Variants in NBPF12 observed in about 807,000 individuals in gnomAD.
NBPF12 encodes the protein NBPF member 12, also known as NBPF family member NBPF12.
Under a neutral mutation model 146.4 loss-of-function variants are expected in NBPF12, and 115 were observed. The ratio of observed to expected loss-of-function variants is 0.79; its 90% CI spans 0.68 to 0.92. NBPF12 has a LOEUF of 0.92. Among genes scored for constraint, NBPF12 ranks in the 40% least tolerant of loss-of-function variants. The pLI, the probability that NBPF12 is intolerant of heterozygous loss-of-function variation, is 0.00. For synonymous variants in NBPF12, 385 were observed against 508.9 expected (o/e 0.76, Z 3.28); for missense variants, 1,205 against 1,326.8 (o/e 0.91, Z 1.43).
In NBPF12 at chr1:146,977,482, GAAGAA is replaced by G; in HGVS notation, c.2213_2217del (p.Glu738GlyfsTer4). 1 of 1,603,966 alleles carries G rather than the reference GAAGAA, an allele frequency of 6.2e-7. No homozygotes were observed. Among genetic ancestry groups the G allele is most frequent in the Non-Finnish European group, 8.5e-7 (1 of 1,174,008 alleles). ...GCTCATCAGGGAGATGCAGAAGGCTGAAGAAAAGGAAGTCCCTGAGGACTCACTGG... is the reference window on the plus strand; with the variant it reads ...GCTCATCAGGGAGATGCAGAAGGCTGAAGGAAGTCCCTGAGGACTCACTGG... On this transcript the variant is annotated frameshift_variant, in exon 18 of 34. Transcript: ENST00000617844. LOFTEE classifies it high-confidence loss of function.
At position 146,971,254 on chromosome 1, in the gene NBPF12, A is replaced by G; in HGVS notation, c.1451A>G (p.Asn484Ser). 11 of 1,612,412 alleles carry G rather than the reference A, an allele frequency of 6.8e-6. No homozygotes were observed. In the South Asian group the frequency reaches 9.9e-5, roughly 14 times the overall value. ...GAGGAATGTGCCATCACTTGTTCAA[A>G]TAGCCACGGCCCTTGTGACTCCAAC... Residue 484 changes from asparagine to serine, a missense_variant, in exon 13 of 34, where the codon AAT (asparagine) becomes AGT (serine). Coordinates refer to ENST00000617844, the Ensembl canonical transcript of NBPF12.
chr1:146,977,349 A>T (rs1214683669), intron 17 of NBPF12, 117 bp from the exon 21 acceptor site: 2 of 947,702 alleles, frequency 2.1e-6, no homozygotes, highest in Non-Finnish European at 3.3e-6. Flanking sequence ...GGGAACGTCC[A>T]TTTTGCTTTC....
intron 19 of NBPF12, among the ~76,000 whole-genome samples, chr1:146,980,315 T>C (rs1454241968): frequency 6.6e-6 from 1 of 152,112 alleles, no homozygotes; most frequent in Non-Finnish European, 1.5e-5. Context: ...CCCCTTTACA[T>C]TTAAGGTTAA....
At chr1:146,992,458 CTCTCTGTGTG>C (rs1173975137) in intron 31 of NBPF12, among the ~76,000 whole-genome samples, 66 of 99,446 alleles carry the variant, frequency 6.6e-4, no homozygotes, top group African/African-American at 9.3e-4. Flanking sequence ...CTCTCTCTCT[CTCTCTGTGTG>C]TGTGTGTGTG....
chr1:146,970,273 C>A (rs1157198443), intron 11 of NBPF12, among the ~76,000 whole-genome samples: 5 of 150,382 alleles, frequency 3.3e-5, no homozygotes, highest in Non-Finnish European at 7.4e-5. Flanking sequence ...TTGTCCTCTC[C>A]TAAGAGAAAG....
chr1:146,957,919 G>A (rs1655671136), intron 2 of NBPF12, among the ~76,000 whole-genome samples: 2 of 113,034 alleles, frequency 1.8e-5, no homozygotes, highest in South Asian at 4.2e-4. Flanking sequence ...GTATATACAC[G>A]TATATAATAT....
At chr1:146,964,840 C>A (rs1656088574) in intron 7 of NBPF12, 53 bp from the exon 11 acceptor site, 1 of 1,590,200 alleles carries the variant, frequency 6.3e-7, no homozygotes, top group African/African-American at 1.4e-5. Context: ...TCCCTGGGGT[C>A]CAATCCCTCT....
Position 146,967,506 on chromosome 1 carries a change from T to A in NBPF12, c.988+833T>A, listed in dbSNP as rs1347068693. On this transcript the variant is annotated intron_variant, in intron 9 of 33. Transcript: ENST00000617844. ...ACAGGGCAAGACTGTTAAAAAAAAA[T>A]AATAATGATAAATAAAAATAAGAAT... 1.8e-3 allele frequency among the ~76,000 whole-genome samples: 267 copies of A among 146,528 alleles called. 1 individual carries two copies. Among genetic ancestry groups the A allele is most frequent in the Non-Finnish European group, 6.5e-4 (44 of 67,466 alleles).
At chr1:146,966,040 G>C (rs1254105300) in intron 8 of NBPF12, among the ~76,000 whole-genome samples, 3 of 151,806 alleles carry the variant, frequency 2.0e-5, no homozygotes, top group Non-Finnish European at 4.4e-5. Context: ...CCGGGAGGCA[G>C]AGGTGGCAGT....
At chr1:146,940,578 G>T (rs1292449258) in intron 1 of NBPF12, among the ~76,000 whole-genome samples, 3 of 151,140 alleles carry the variant, frequency 2.0e-5, no homozygotes, top group Non-Finnish European at 2.9e-5. Flanking sequence ...AAAAGTACAG[G>T]TCATGAGTTT....
At chr1:146,948,803 G>A (rs1369218054), upstream of NBPF12, among the ~76,000 whole-genome samples, 1,517 of 145,742 alleles carry the variant, frequency 0.01, 32 homozygotes, top group African/African-American at 0.036. Flanking sequence ...AGAGGAAGGC[G>A]TCTGTCTCCT....
At position 146,958,094 on chromosome 1, in the gene NBPF12, C is replaced by T. The variant is rs1432996689; in HGVS notation, c.-183-1765C>T. 5.0e-5 allele frequency among the ~76,000 whole-genome samples: 6 copies of T among 118,846 alleles called. 1 individual carries two copies. The highest frequency in any genetic ancestry group is 1.5e-4 in the African/African-American group (5 of 34,164). The allele number at this position is 118,846 out of a possible 152,430, so 78.0% of individuals were successfully genotyped here. The stretch of plus-strand genomic sequence containing the variant: ...TGTTGGTTTGCTGCACCCATTAACT[C>T]GTCATTTACACTAGGTATATATCCT... On this transcript the variant is annotated intron_variant, in intron 2 of 33. Coordinates refer to ENST00000617844, the Ensembl canonical transcript of NBPF12.
chr1:146,972,800 C>G, exon 14 of NBPF12: 2 of 1,327,588 alleles, frequency 1.5e-6, no homozygotes, highest in South Asian at 1.2e-5. Context: ...TGGTATCAGC[C>G]GGCCCTTTGT....
intron 13 of NBPF12, 140 bp from the exon 17 acceptor site, chr1:146,972,611 G>T (rs1326212472): frequency 1.2e-6 from 1 of 809,330 alleles, no homozygotes; most frequent in Non-Finnish European, 2.2e-6. Flanking sequence ...ATCAAGACTG[G>T]AGATGACAAG....
chr1:146,963,461 A>G (rs1174776086), intron 6 of NBPF12, among the ~76,000 whole-genome samples, 152 bp downstream of exon 9: 5 of 152,092 alleles, frequency 3.3e-5, no homozygotes, highest in Admixed American at 1.3e-4. Flanking sequence ...GGGTAAGAAC[A>G]GAAATGGGAA....
At chr1:146,964,753 G>C in intron 7 of NBPF12, 140 bp from the exon 11 acceptor site, 1 of 1,342,980 alleles carries the variant, frequency 7.4e-7, no homozygotes, top group Non-Finnish European at 1.1e-6. Context: ...AGGATTGCCT[G>C]TTCCCTCTTT....
At chr1:146,950,817 A>T (rs1159421457) in intron 1 of NBPF12, among the ~76,000 whole-genome samples, 6,289 of 151,960 alleles carry the variant, frequency 0.041, 387 homozygotes, top group African/African-American at 0.14. Context: ...TCTTGTATTG[A>T]TAGATATTTG....
At chr1:146,950,154 C>T (rs1655266943) in intron 1 of NBPF12, among the ~76,000 whole-genome samples, 1 of 151,924 alleles carries the variant, frequency 6.6e-6, no homozygotes, top group Non-Finnish European at 1.5e-5. Flanking sequence ...TGCATTTACC[C>T]TCTCCCCTGA....
In NBPF12 at chr1:146,959,852, A is replaced by G; in HGVS notation, c.-183-7A>G. On this transcript the variant is annotated splice_region_variant and splice_polypyrimidine_tract_variant and intron_variant, in intron 2 of 33. Transcript: ENST00000617844. ...CCTACCTTCTAATTCTGTTATTGCAACTGCAGACGGTTACCTGGCACGCTG... is the reference window on the plus strand; with the variant it reads ...CCTACCTTCTAATTCTGTTATTGCAGCTGCAGACGGTTACCTGGCACGCTG... The G allele has an allele frequency of 1.4e-5, 2 of 139,556 alleles. No homozygotes were observed. The highest frequency in any genetic ancestry group is 2.4e-5 in the Non-Finnish European group (2 of 84,346). The allele number at this position is 139,556 out of a possible 1,614,324, so 8.6% of individuals were successfully genotyped here.
Sources: allele counts gnomAD v4.1 joint callset (sites outside exome capture counted in the v4.1 genomes callset), GRCh38; gene constraint gnomAD v4.1.1; transcripts MANE v1.5; gene names NCBI Gene and HGNC (gene_info 2026-07-23, HGNC 2026-07-21).